PLCZ1: variants seen among roughly 807,000 people sequenced by gnomAD.
PLCZ1 encodes the protein phospholipase C zeta 1.
Under a neutral mutation model 76.8 loss-of-function variants are expected in PLCZ1, and 64 were observed. The ratio of observed to expected loss-of-function variants is 0.83; its 90% CI spans 0.68 to 1.03. The LOEUF is 1.03. Ranked by LOEUF, PLCZ1 falls within the 50% of genes least tolerant of loss-of-function variation. The pLI is 0.00. For synonymous variants in PLCZ1, 248 were observed against 230.8 expected (o/e 1.07, Z -0.68); for missense variants, 751 against 713.7 (o/e 1.05, Z -0.60).
chr12:18,680,081 T>C (rs940613167), downstream of PLCZ1, among the ~76,000 whole-genome samples: 1 of 152,026 alleles, frequency 6.6e-6, no homozygotes, highest in Non-Finnish European at 1.5e-5. Context: ...AGTGTGTTAT[T>C]ACTTGGAAAG....
chr12:18,681,790 T>C (rs937859536), downstream of PLCZ1, among the ~76,000 whole-genome samples: 1 of 151,992 alleles, frequency 6.6e-6, no homozygotes, highest in Non-Finnish European at 1.5e-5. Context: ...GAAAATAAAA[T>C]ATATCCTTTT....
At chr12:18,661,352 A>C in the PLCZ1 span, among the ~76,000 whole-genome samples, 1 of 140,062 alleles carries the variant, frequency 7.1e-6, no homozygotes, top group South Asian at 2.5e-4. Context: ...AGACATTATA[A>C]TCCTACTGCC....
rs1957502288 is a variant in PLCZ1, at chr12:18,712,828, AG to A, written c.714+13del. ...TGTTTAAATAGCTACAGTTGAACAA[AG>A]ATATGTACATACCATGAATGCATAC... On this transcript the variant is annotated intron_variant, in intron 6 of 14. Transcript: ENST00000266505. The A allele has an allele frequency of 2.5e-6, 4 of 1,612,734 alleles. No homozygotes were observed. The highest frequency in any genetic ancestry group is 3.4e-6 in the Non-Finnish European group (4 of 1,178,818).
chr12:18,667,436 A>G, the PLCZ1 span, among the ~76,000 whole-genome samples: 1 of 152,204 alleles, frequency 6.6e-6, no homozygotes. Context: ...CTCCAGAGTC[A>G]ATATTATAGT....
intron 7 of PLCZ1, among the ~76,000 whole-genome samples, chr12:18,704,813 G>T (rs557778230): frequency 2.6e-4 from 40 of 152,068 alleles, no homozygotes; most frequent in Non-Finnish European, 4.9e-4. Context: ...TTGAGATATT[G>T]GGTACTGACT....
chr12:18,659,191 A>C, the PLCZ1 span, among the ~76,000 whole-genome samples: 26 of 152,148 alleles, frequency 1.7e-4, no homozygotes. Flanking sequence ...ATATAAAGGT[A>C]CTCAAAAACT....
intron 5 of PLCZ1, among the ~76,000 whole-genome samples, chr12:18,715,442 C>G (rs1957868922): frequency 6.6e-6 from 1 of 151,342 alleles, no homozygotes; most frequent in Non-Finnish European, 1.5e-5. Flanking sequence ...CGCTCTGTCG[C>G]CCAGACTGGG....
intron 10 of PLCZ1, among the ~76,000 whole-genome samples, chr12:18,698,917 C>T (rs1191318230): frequency 2.0e-5 from 3 of 152,238 alleles, no homozygotes; most frequent in Non-Finnish European, 1.5e-5. Context: ...TTACTTCCCC[C>T]ATACCCCTGC....
At chr12:18,725,156 T>A (rs949421241) in intron 3 of PLCZ1, among the ~76,000 whole-genome samples, 1 of 152,096 alleles carries the variant, frequency 6.6e-6, no homozygotes, top group Non-Finnish European at 1.5e-5. Context: ...CCACACAGAA[T>A]AGTGAGAGTT....
chr12:18,679,701 A>G (rs1952244793), downstream of PLCZ1, among the ~76,000 whole-genome samples: 1 of 152,036 alleles, frequency 6.6e-6, no homozygotes, highest in African/African-American at 2.4e-5. Context: ...AGATATTGTG[A>G]TTAATACATT....
the PLCZ1 span, chr12:18,648,015 A>G: frequency 1.1e-5 from 17 of 1,594,106 alleles, no homozygotes; most frequent in Non-Finnish European, 1.4e-5. Flanking sequence ...CCATTAGGAA[A>G]CAGTATAATT....
chr12:18,671,545 C>T, the PLCZ1 span, among the ~76,000 whole-genome samples: 1 of 152,064 alleles, frequency 6.6e-6, no homozygotes, highest in Non-Finnish European at 1.5e-5. Context: ...TGTGGCTACT[C>T]AATTAAAAAT....
chr12:18,698,242 C>CTTCTGTTCTA (rs1555181446), intron 10 of PLCZ1, among the ~76,000 whole-genome samples: 1 of 145,402 alleles, frequency 6.9e-6, no homozygotes, highest in Non-Finnish European at 1.5e-5. Context: ...ATACACTTTT[C>CTTCTGTTCTA]TTCTATTCTA....
At chr12:18,719,898 C>T (rs1339790107) in intron 4 of PLCZ1, among the ~76,000 whole-genome samples, 4 of 151,766 alleles carry the variant, frequency 2.6e-5, no homozygotes, top group Admixed American at 6.6e-5. Context: ...AAGAAAAGTA[C>T]ATATATTATG....
chr12:18,650,020 A>G, the PLCZ1 span, among the ~76,000 whole-genome samples: 1 of 152,142 alleles, frequency 6.6e-6, no homozygotes, highest in South Asian at 2.1e-4. Context: ...AAGGCTTTAT[A>G]TATCATCTGA....
At chr12:18,692,922 C>T (rs1592040850) in intron 12 of PLCZ1, 2 of 1,585,030 alleles carry the variant, frequency 1.3e-6, no homozygotes, top group East Asian at 2.2e-5. Context: ...TGCCAGCAAA[C>T]TGCCACTGGT....
chr12:18,736,291 T>A lies in PLCZ1; in HGVS notation c.65A>T (p.Glu22Val). 1 of 1,612,852 alleles carries A rather than the reference T, an allele frequency of 6.2e-7. No homozygotes were observed. Among genetic ancestry groups the A allele is most frequent in the Non-Finnish European group, 8.5e-7 (1 of 1,179,310 alleles). ...DDFRGGKINL[E>V]KTQRLLEKLD... ...TTTTTCAAGTAACCTCTGAGTTTTT[T>A]CTAGGTTAATTTTTCCACCTCTGAA... Residue 22 changes from glutamate to valine, a missense_variant, in exon 3 of 15, where the codon GAA (glutamate) becomes GTA (valine). Transcript: ENST00000266505.
At chr12:18,703,304 TA>T (rs1956181759) in intron 7 of PLCZ1, among the ~76,000 whole-genome samples, 1 of 152,176 alleles carries the variant, frequency 6.6e-6, no homozygotes, top group African/African-American at 2.4e-5. Context: ...ATCAGCCCTA[TA>T]TGTCTTGTCA....
chr12:18,708,260 G>A (rs947137699), intron 6 of PLCZ1, among the ~76,000 whole-genome samples: 1 of 151,996 alleles, frequency 6.6e-6, no homozygotes, highest in African/African-American at 2.4e-5. Context: ...CCACATAAAA[G>A]TGAGATCAGG....
Sources: allele counts gnomAD v4.1 joint callset (sites outside exome capture counted in the v4.1 genomes callset), GRCh38; gene constraint gnomAD v4.1.1; transcripts MANE v1.5; gene names NCBI Gene and HGNC (gene_info 2026-07-23, HGNC 2026-07-21).